Variants in CEP43 observed in about 807,000 individuals in gnomAD.
The protein encoded by CEP43 is centrosomal protein 43.
In CEP43, 36 loss-of-function variants were observed where a neutral mutation model predicts 52.6. The ratio of observed to expected loss-of-function variants is 0.68; its 90% CI spans 0.52 to 0.90. The LOEUF (loss-of-function observed/expected upper bound fraction) is 0.90, where lower values mean the gene tolerates loss of function less well. Ranked by LOEUF, CEP43 falls within the 40% of genes least tolerant of loss-of-function variation. CEP43 has a pLI of 0.00. For missense variants in CEP43, 506 were observed against 472.8 expected, an observed-to-expected ratio of 1.07 and a Z score of -0.65; for synonymous variants, 192 against 172.4, an observed-to-expected ratio of 1.11 and a Z score of -0.89.
At chr6:167,039,294 T>TAA (rs1312799379) in intron 12 of CEP43, among the ~76,000 whole-genome samples, 3 of 152,190 alleles carry the variant, frequency 2.0e-5, no homozygotes, top group Admixed American at 2.0e-4. Context: ...ATTGTCTGGC[T>TAA]AATTTTTGTA....
chr6:167,009,280 T>C (rs1251859458), intron 5 of CEP43, among the ~76,000 whole-genome samples: 1 of 150,864 alleles, frequency 6.6e-6, no homozygotes, highest in Non-Finnish European at 1.5e-5. Flanking sequence ...TAATCCCACA[T>C]TGGGAGGCTG....
chr6:167,003,894 G>A (rs1338034539), intron 4 of CEP43, 83 bp downstream of exon 4: 4 of 825,218 alleles, frequency 4.8e-6, no homozygotes, highest in Non-Finnish European at 7.7e-6. Context: ...AATAGAATTT[G>A]ACAACTGATA....
chr6:167,027,769 A>G, intron 10 of CEP43: 1 of 579,372 alleles, frequency 1.7e-6, no homozygotes, highest in Non-Finnish European at 2.2e-6. Context: ...TAGGATTTAA[A>G]TATCTCTTCA....
Position 167,044,416 on chromosome 6 carries a change from A to G in CEP43, c.*4438A>G, listed in dbSNP as rs1780761049. The G allele has an allele frequency of 4.1e-6, 4 of 985,464 alleles. No individual in the cohort carries two copies. Among genetic ancestry groups the G allele is most frequent in the Non-Finnish European group, 4.8e-6 (4 of 829,920 alleles). 61.0% of individuals were successfully genotyped at this position (985,464 alleles called of 1,614,324 possible). ...ATCTTTATGTTTAGCAAGAAGACCAAGATGACAAGATGCGCCAGGAGACTT... is the reference window on the plus strand; with the variant it reads ...ATCTTTATGTTTAGCAAGAAGACCAGGATGACAAGATGCGCCAGGAGACTT... On this transcript the variant is annotated 3_prime_UTR_variant, in exon 13 of 13. Coordinates refer to ENST00000366847, the MANE Select transcript of CEP43 (RefSeq NM_007045.4).
chr6:167,008,083 C>G (rs1463893170), intron 5 of CEP43, among the ~76,000 whole-genome samples: 1 of 150,124 alleles, frequency 6.7e-6, no homozygotes, highest in African/African-American at 2.5e-5. Flanking sequence ...ATGAAATGTT[C>G]TGTGTGATGT....
intron 7 of CEP43, among the ~76,000 whole-genome samples, chr6:167,014,168 T>C (rs1246870433): frequency 3.9e-5 from 6 of 152,238 alleles, no homozygotes; most frequent in African/African-American, 9.6e-5. Context: ...ATTAGTAACA[T>C]TGTGATTTTT....
chr6:167,025,987 GT>G (rs1455855999), intron 9 of CEP43, among the ~76,000 whole-genome samples: 2 of 152,212 alleles, frequency 1.3e-5, no homozygotes, highest in African/African-American at 4.8e-5. Context: ...TAACAGGGCT[GT>G]TTATGGAAAG....
intron 3 of CEP43, 140 bp downstream of exon 3, chr6:167,003,387 T>G (rs1427518648): frequency 5.6e-6 from 3 of 532,644 alleles, no homozygotes; most frequent in Non-Finnish European, 9.8e-6. Context: ...TATTTTATTG[T>G]ACAACAATCG....
Position 166,999,793 on chromosome 6 carries a change from G to T in CEP43, c.103-267G>T, listed in dbSNP as rs1779686547. On this transcript the variant is annotated intron_variant, in intron 1 of 12. Coordinates refer to ENST00000366847, the MANE Select transcript of CEP43 (RefSeq NM_007045.4). ...GGACCGCGGGGCTTGGGGGCCACAC[G>T]GGCGGCCCGCAGCTGGGCCCTGGAG... is the stretch of plus-strand genomic sequence containing the variant. The T allele has an allele frequency of 9.5e-6, 5 of 525,644 alleles. No individual in the cohort carries two copies. The South Asian group carries it at 1.3e-4, about 14-fold the overall frequency. The allele number at this position is 525,644 out of a possible 1,614,324, so 32.6% of individuals were successfully genotyped here.
rs192210381 is a variant in CEP43 at position 167,015,227 on chromosome 6, G to T, written c.579+1660G>T. 2.6e-5 allele frequency among the ~76,000 whole-genome samples: 4 copies of T among 152,262 alleles called. No homozygotes were observed. In the East Asian group the frequency reaches 7.7e-4, roughly 29 times the overall value. On this transcript the variant is annotated intron_variant, in intron 7 of 12. Transcript: ENST00000366847. ...TCTATTTCATTGTTGTGTTCCTGAG[G>T]CCAGGATGCTTCCTCAATTACTTGG...
intron 9 of CEP43, among the ~76,000 whole-genome samples, chr6:167,025,881 T>C (rs1354725786): frequency 6.6e-6 from 1 of 152,252 alleles, no homozygotes; most frequent in East Asian, 1.9e-4. Flanking sequence ...GATGTCACTT[T>C]AGTAAGTGAA....
chr6:167,013,599 G>A (rs764402577), intron 7 of CEP43, 32 bp downstream of exon 7: 2 of 1,597,132 alleles, frequency 1.3e-6, no homozygotes, highest in Admixed American at 1.7e-5. Flanking sequence ...GAGAAAAGCA[G>A]CCTGTGGGCA....
intron 9 of CEP43, among the ~76,000 whole-genome samples, chr6:167,025,880 T>C (rs1370971456): frequency 6.6e-6 from 1 of 152,146 alleles, no homozygotes; most frequent in African/African-American, 2.4e-5. Flanking sequence ...GGATGTCACT[T>C]TAGTAAGTGA....
At chr6:167,030,055 C>T (rs1208575941) in intron 10 of CEP43, among the ~76,000 whole-genome samples, 1 of 152,208 alleles carries the variant, frequency 6.6e-6, no homozygotes, top group Non-Finnish European at 1.5e-5. Context: ...GCTATTTTCA[C>T]TTCTTTTGTG....
intron 5 of CEP43, among the ~76,000 whole-genome samples, chr6:167,009,128 A>G (rs1419392671): frequency 8.5e-5 from 4 of 47,066 alleles, no homozygotes; most frequent in Non-Finnish European, 1.3e-4. Flanking sequence ...GCGGTGGCTC[A>G]TGCCTGTAAT....
chr6:167,022,277 C>A (rs1310191169), intron 7 of CEP43, 132 bp from the exon 8 acceptor site: 1 of 631,816 alleles, frequency 1.6e-6, no homozygotes, highest in African/African-American at 2.0e-5. Flanking sequence ...CACACACACA[C>A]ACACACACAC....
chr6:166,999,534 C>A lies in CEP43; in HGVS notation c.102+20C>A. The A allele has an allele frequency of 7.1e-7, 1 of 1,400,954 alleles. No individual in the cohort carries two copies. Among genetic ancestry groups the A allele is most frequent in the Non-Finnish European group, 9.4e-7 (1 of 1,064,826 alleles). The allele number at this position is 1,400,954 out of a possible 1,614,324, so 86.8% of individuals were successfully genotyped here. ...ATCAAGGTGAGGCCGGAGGCTGGGG[C>A]CGGGCCTGGCGGATCCGCAGGGCTT... is the stretch of plus-strand genomic sequence containing the variant. On this transcript the variant is annotated intron_variant, in intron 1 of 12. Transcript: ENST00000366847.
intron 7 of CEP43, among the ~76,000 whole-genome samples, chr6:167,014,069 GCT>G (rs2128660943): frequency 6.6e-6 from 1 of 152,268 alleles, no homozygotes; most frequent in South Asian, 2.1e-4. Context: ...TTAAAACCAT[GCT>G]CTCAGTTTTA....
chr6:167,001,264 C>T (rs1053213143), intron 2 of CEP43, among the ~76,000 whole-genome samples: 1 of 152,228 alleles, frequency 6.6e-6, no homozygotes, highest in Non-Finnish European at 1.5e-5. Flanking sequence ...ATCACTCTGT[C>T]TTGTGTATAC....
Sources: allele counts gnomAD v4.1 joint callset (sites outside exome capture counted in the v4.1 genomes callset), GRCh38; gene constraint gnomAD v4.1.1; transcripts MANE v1.5; gene names NCBI Gene and HGNC (gene_info 2026-07-23, HGNC 2026-07-21).